TMEM52: variants seen among roughly 807,000 people sequenced by gnomAD.
TMEM52 encodes the protein transmembrane protein 52.
A neutral mutation model predicts 16.2 loss-of-function variants in TMEM52; 14 were observed. The observed-to-expected ratio is 0.87, with a 90% CI of 0.57 to 1.35. The LOEUF (loss-of-function observed/expected upper bound fraction) is 1.35, where lower values mean the gene tolerates loss of function less well. Among genes scored for constraint, TMEM52 ranks in the 40% most tolerant of loss-of-function variants. The pLI is 0.00. For missense variants in TMEM52, 309 were observed against 278.6 expected (o/e 1.11, Z -0.78); for synonymous variants, 136 against 124.7 (o/e 1.09, Z -0.60).
chr1:1,917,766 C>A lies in TMEM52; in HGVS notation c.*116G>T, dbSNP rs1234575940. 1.7e-6 allele frequency: 2 copies of A among 1,200,228 alleles called. No individual in the cohort carries two copies. The highest frequency in any genetic ancestry group is 3.0e-5 in the African/African-American group (2 of 65,576). 74.3% of individuals were successfully genotyped at this position (1,200,228 alleles called of 1,614,324 possible). The stretch of plus-strand genomic sequence containing the variant: ...CTGCCTAGTGGGTGACGCCAGGGGC[C>A]GGTGTAACATGGCACCGAGGTTGGG... On this transcript the variant is annotated 3_prime_UTR_variant, in exon 5 of 5. Coordinates refer to ENST00000310991, the MANE Select transcript of TMEM52 (RefSeq NM_178545.4).
At chr1:1,918,986 G>A (rs1391772002) in intron 2 of TMEM52, 52 bp from the exon 3 acceptor site, 14 of 1,345,370 alleles carry the variant, frequency 1.0e-5, no homozygotes, top group Non-Finnish European at 1.0e-5. Context: ...GGCCGACCTC[G>A]CCACCCGTGC....
intron 3 of TMEM52, 135 bp from the exon 4 acceptor site, chr1:1,918,566 C>T (rs765629688): frequency 6.8e-6 from 6 of 888,288 alleles, no homozygotes; most frequent in South Asian, 2.8e-5. Context: ...TGTCGGAGAC[C>T]GCCGTGGCCA....
chr1:1,917,970 A>G lies in TMEM52; in HGVS notation c.542T>C (p.Leu181Pro), dbSNP rs1359771749. ...PALSQKPSPL[L>P]GASGLETTPV... Reference sequence around the variant, plus strand: ...AGTGGTCTCTAGGCCCGAGGCCCCAAGGAGAGGGCTGGGTTTCTGGGAGAG... The same window carrying G: ...AGTGGTCTCTAGGCCCGAGGCCCCAGGGAGAGGGCTGGGTTTCTGGGAGAG... Residue 181 changes from leucine (L) to proline (P), a missense_variant, in exon 5 of 5, where the codon CTT (leucine) becomes CCT (proline). Leu to Pro is a moderately conservative substitution (Grantham distance 98). Coordinates refer to ENST00000310991, the MANE Select transcript of TMEM52 (RefSeq NM_178545.4). 11 of 1,613,898 alleles carry G rather than the reference A, an allele frequency of 6.8e-6. No homozygotes were observed. The highest frequency in any genetic ancestry group is 1.1e-5 in the South Asian group (1 of 91,088).
rs147368333 is a variant in TMEM52 at position 1,918,353 on chromosome 1, C to G, written c.249G>C (p.Lys83Asn). 1.2e-4 allele frequency: 186 copies of G among 1,612,702 alleles called. No homozygotes were observed. The highest frequency in any genetic ancestry group is 1.5e-4 in the Non-Finnish European group (176 of 1,179,990). Residue 83 changes from lysine to asparagine, a missense_variant, in exon 4 of 5, where the codon AAG becomes AAC. Physicochemically the swap from Lys to Asn is moderately conservative, Grantham distance 94. Transcript: ENST00000310991. ...GCAGATGTGGCTGGGCCTGTGCCTG[C>G]TTCCGGAGGCAGCAGAACCGGACAC... ...AGCVRFCCLR[K>N]QAQAQPHLPP...
chr1:1,918,883 C>T lies in TMEM52; in HGVS notation c.170+10G>A, dbSNP rs1403322149. 4.2e-6 allele frequency: 6 copies of T among 1,443,778 alleles called. No individual in the cohort carries two copies. The highest frequency in any genetic ancestry group is 5.4e-6 in the Non-Finnish European group (6 of 1,111,010). The allele number at this position is 1,443,778 out of a possible 1,614,324, so 89.4% of individuals were successfully genotyped here. A position where few individuals can be genotyped will look rare whatever the true frequency, so the allele number is the denominator to read the frequency against. The stretch of plus-strand genomic sequence containing the variant: ...GTCGGACGCACGGCTCCGCCGCGGC[C>T]TCCACTTACCCCACGTGCCACAGGC... On this transcript the variant is annotated intron_variant, in intron 3 of 4. Transcript: ENST00000310991.
chr1:1,918,215 C>T (rs377755272), intron 4 of TMEM52, 38 bp downstream of exon 4: 3 of 1,607,968 alleles, frequency 1.9e-6, no homozygotes, highest in African/African-American at 2.7e-5. Flanking sequence ...TTACCCCCGC[C>T]ATCTCCACCC....
rs36071779 is a variant in TMEM52, at chr1:1,918,311, G to C, written c.291C>G (p.Pro97=). The change falls in exon 4 of 5, where the codon CCC becomes CCG. Residue 97 remains proline, a synonymous_variant. Coordinates refer to ENST00000310991, the MANE Select transcript of TMEM52 (RefSeq NM_178545.4). ...AQPHLPPARQ[P]CDVAVIPMDS... Reference sequence around the variant, plus strand: ...CCATAGGGATGACTGCCACGTCGCAGGGCTGCCGTGCTGGTGGCAGATGTG... The same window carrying C: ...CCATAGGGATGACTGCCACGTCGCACGGCTGCCGTGCTGGTGGCAGATGTG... The C allele has an allele frequency of 6.2e-7, 1 of 1,612,920 alleles. No homozygotes were observed. The highest frequency in any genetic ancestry group is 1.3e-5 in the African/African-American group (1 of 75,002).
chr1:1,918,840 G>T, intron 3 of TMEM52, 53 bp downstream of exon 3: 3 of 1,486,556 alleles, frequency 2.0e-6, no homozygotes, highest in South Asian at 2.6e-5. Flanking sequence ...TGGCCCCGGT[G>T]ACCCCCGCCC....
At position 1,917,991 on chromosome 1, in the gene TMEM52, G is replaced by C; in HGVS notation, c.521C>G (p.Ser174Cys). Residue 174 changes from serine (S) to cysteine (C), a missense_variant, in exon 5 of 5, where the codon TCC (serine) becomes TGC (cysteine). Transcript: ENST00000310991. ...CCCAAGGAGAGGGCTGGGTTTCTGGGAGAGTGCTGGTCCTTCCTCTCTGGG... is the reference window on the plus strand; with the variant it reads ...CCCAAGGAGAGGGCTGGGTTTCTGGCAGAGTGCTGGTCCTTCCTCTCTGGG... ...AKPREEGPAL[S>C]QKPSPLLGAS... The C allele has an allele frequency of 6.2e-7, 1 of 1,613,982 alleles. No individual in the cohort carries two copies. Among genetic ancestry groups the C allele is most frequent in the Non-Finnish European group, 8.5e-7 (1 of 1,180,018 alleles).
chr1:1,919,093 G>A lies in TMEM52; in HGVS notation c.85-5C>T. On this transcript the variant is annotated splice_polypyrimidine_tract_variant and splice_region_variant and intron_variant, in intron 1 of 4. Transcript: ENST00000310991. ...GTCCGCGAAGCCCAGCGCCACCTGT[G>A]GGGACAAGGGTGAGCCCGGGAGGGG... is the stretch of plus-strand genomic sequence containing the variant. The A allele has an allele frequency of 7.4e-7, 1 of 1,345,618 alleles. No homozygotes were observed. The highest frequency in any genetic ancestry group is 9.5e-7 in the Non-Finnish European group (1 of 1,052,854). 83.4% of individuals were successfully genotyped at this position (1,345,618 alleles called of 1,614,324 possible).
Position 1,918,218 on chromosome 1 carries a change from C to A in TMEM52, c.349+35G>T, listed in dbSNP as rs557224253. On this transcript the variant is annotated intron_variant, in intron 4 of 4. Coordinates refer to ENST00000310991, the MANE Select transcript of TMEM52 (RefSeq NM_178545.4). ...CGGGCTTGGCATTTACCCCCGCCATCTCCACCCTCAACTGGCGGGCCCCTA... is the reference window on the plus strand; with the variant it reads ...CGGGCTTGGCATTTACCCCCGCCATATCCACCCTCAACTGGCGGGCCCCTA... 3.8e-4 allele frequency: 619 copies of A among 1,608,128 alleles called. 12 individuals are homozygous for A. In the South Asian group the frequency reaches 6.6e-3, roughly 17 times the overall value.
intron 3 of TMEM52, 56 bp downstream of exon 3, chr1:1,918,837 G>A (rs561098399): frequency 1.0e-5 from 15 of 1,486,702 alleles, no homozygotes; most frequent in South Asian, 1.3e-5. Flanking sequence ...GCCTGGCCCC[G>A]GTGACCCCCG....
rs1364749411 is a variant in TMEM52, at chr1:1,918,871, C to T, written c.170+22G>A. ...CGCCCCAGAACCGTCGGACGCACGG[C>T]TCCGCCGCGGCCTCCACTTACCCCA... On this transcript the variant is annotated intron_variant, in intron 3 of 4. Coordinates refer to ENST00000310991, the MANE Select transcript of TMEM52 (RefSeq NM_178545.4). 4 of 1,469,740 alleles carry T rather than the reference C, an allele frequency of 2.7e-6. 1 individual carries two copies. The South Asian group carries it at 5.4e-5, about 20-fold the overall frequency. The allele number at this position is 1,469,740 out of a possible 1,614,324, so 91.0% of individuals were successfully genotyped here.
chr1:1,917,834 G>A lies in TMEM52; in HGVS notation c.*48C>T, dbSNP rs750563089. 1.3e-6 allele frequency: 2 copies of A among 1,581,150 alleles called. 1 individual carries two copies. Among genetic ancestry groups the A allele is most frequent in the South Asian group, 2.3e-5 (2 of 87,582 alleles). On this transcript the variant is annotated 3_prime_UTR_variant, in exon 5 of 5. Transcript: ENST00000310991. Reference sequence around the variant, plus strand: ...GACGGTGGGGTGGGCTGGGGCCCTTGGCTCCAAGCATTAGTTCTCCAAGCT... The same window carrying A: ...GACGGTGGGGTGGGCTGGGGCCCTTAGCTCCAAGCATTAGTTCTCCAAGCT...
intron 3 of TMEM52, 92 bp downstream of exon 3, chr1:1,918,801 G>C: frequency 3.6e-6 from 5 of 1,404,314 alleles, no homozygotes; most frequent in Non-Finnish European, 4.7e-6. Flanking sequence ...CAGCGGAGGC[G>C]GCCTGGTGAG....
chr1:1,918,831 G>A (rs1651240604), intron 3 of TMEM52, 62 bp downstream of exon 3: 1 of 1,483,358 alleles, frequency 6.7e-7, no homozygotes, highest in Non-Finnish European at 8.9e-7. Flanking sequence ...TGGCGGGCCT[G>A]GCCCCGGTGA....
At chr1:1,918,605 C>T (rs986821940) in intron 3 of TMEM52, 174 bp from the exon 4 acceptor site, 2 of 760,088 alleles carry the variant, frequency 2.6e-6, no homozygotes, top group East Asian at 2.7e-5. Flanking sequence ...CTGGGCCTGC[C>T]CTGGCTATCT....
At position 1,919,222 on chromosome 1, in the gene TMEM52, AGCAGCAGCC is replaced by A. The variant is rs1036949496; in HGVS notation, c.35_43del (p.Arg12_Leu14del). Reference sequence around the variant, plus strand: ...GAGCGGCAGGAGCGGCAGGAGCGGCAGCAGCAGCCGCAGTCCGCGGGCGGCCAGCGGCCC... The same window carrying A: ...GAGCGGCAGGAGCGGCAGGAGCGGCAGCAGTCCGCGGGCGGCCAGCGGCCC... On this transcript the variant is annotated inframe_deletion, in exon 1 of 5. Coordinates refer to ENST00000310991, the MANE Select transcript of TMEM52 (RefSeq NM_178545.4). The A allele has an allele frequency of 2.3e-6, 3 of 1,313,264 alleles. No individual in the cohort carries two copies. In the African/African-American group the frequency reaches 4.6e-5, roughly 20 times the overall value. The allele number at this position is 1,313,264 out of a possible 1,614,324, so 81.4% of individuals were successfully genotyped here. A position where few individuals can be genotyped will look rare whatever the true frequency, so the allele number is the denominator to read the frequency against.
At chr1:1,918,499 C>T (rs1473399035) in intron 3 of TMEM52, 68 bp from the exon 4 acceptor site, 1 of 1,312,034 alleles carries the variant, frequency 7.6e-7, no homozygotes, top group Non-Finnish European at 1.1e-6. Flanking sequence ...TGGGGAATGT[C>T]GTGGCACAAC....
Sources: gnomAD v4.1 joint callset for allele counts on GRCh38, gnomAD v4.1.1 for gene constraint, MANE v1.5 for transcripts, NCBI Gene and HGNC (gene_info 2026-07-23, HGNC 2026-07-21) for gene names.